TBL1XR1: variants seen among roughly 807,000 people sequenced by gnomAD.
The protein encoded by TBL1XR1 is F-box-like/WD repeat-containing protein TBL1XR1.
Under a neutral mutation model 66.9 loss-of-function variants are expected in TBL1XR1, and 5 were observed. That is an observed-to-expected ratio of 0.07 (90% CI 0.04 to 0.16). TBL1XR1 has a LOEUF of 0.16. TBL1XR1 is among the 10% of genes least tolerant of loss of function. TBL1XR1 has a pLI of 1.00. For missense variants in TBL1XR1, 238 were observed against 623.2 expected, an observed-to-expected ratio of 0.38 and a Z score of 6.58; for synonymous variants, 210 against 206.0, an observed-to-expected ratio of 1.02 and a Z score of -0.17.
At chr3:177,119,018 C>T (rs1239703094) in intron 1 of TBL1XR1, among the ~76,000 whole-genome samples, 3 of 152,154 alleles carry the variant, frequency 2.0e-5, no homozygotes, top group Non-Finnish European at 4.4e-5. Context: ...GTACCCCAGG[C>T]TGGAGTGCAG....
intron 1 of TBL1XR1, among the ~76,000 whole-genome samples, chr3:177,117,677 A>T (rs1440497153): frequency 6.6e-6 from 1 of 152,180 alleles, no homozygotes; most frequent in Non-Finnish European, 1.5e-5. Flanking sequence ...ACTTTGATTC[A>T]GTCTTGACTT....
At chr3:177,043,252 G>T (rs1406736780) in intron 10 of TBL1XR1, among the ~76,000 whole-genome samples, 1 of 152,102 alleles carries the variant, frequency 6.6e-6, no homozygotes, top group Non-Finnish European at 1.5e-5. Context: ...ATTGAGAGAA[G>T]AATACTAAAG....
intron 2 of TBL1XR1, among the ~76,000 whole-genome samples, chr3:177,080,425 A>C (rs1332159810): frequency 6.6e-6 from 1 of 152,186 alleles, no homozygotes; most frequent in Non-Finnish European, 1.5e-5. Context: ...GAAATAACTG[A>C]ACAAAGAATA....
intron 2 of TBL1XR1, among the ~76,000 whole-genome samples, chr3:177,075,695 T>C (rs533927913): frequency 3.9e-4 from 59 of 152,302 alleles, no homozygotes; most frequent in Non-Finnish European, 6.0e-4. Flanking sequence ...ACAATAAAGG[T>C]TAAAAAATAA....
chr3:177,173,397 T>C (rs890087546), intron 1 of TBL1XR1, among the ~76,000 whole-genome samples: 3 of 152,150 alleles, frequency 2.0e-5, no homozygotes, highest in African/African-American at 7.2e-5. Flanking sequence ...TTGGCACACA[T>C]TACCTTAACC....
chr3:177,121,905 G>A (rs906118847), intron 1 of TBL1XR1, among the ~76,000 whole-genome samples: 2 of 151,886 alleles, frequency 1.3e-5, no homozygotes, highest in Non-Finnish European at 2.9e-5. Flanking sequence ...ATTAATTACT[G>A]GAAACCTAGA....
At chr3:177,081,926 T>C (rs1721449073) in intron 2 of TBL1XR1, among the ~76,000 whole-genome samples, 2 of 152,080 alleles carry the variant, frequency 1.3e-5, no homozygotes, top group African/African-American at 4.8e-5. Context: ...AGGAAGACAC[T>C]GGTACTAAAA....
chr3:177,136,941 T>G (rs773699606), intron 1 of TBL1XR1, among the ~76,000 whole-genome samples: 20 of 152,146 alleles, frequency 1.3e-4, no homozygotes, highest in Non-Finnish European at 1.9e-4. Flanking sequence ...TAGATAAATA[T>G]CCTCCAATAT....
chr3:177,132,845 T>C (rs148521123), intron 1 of TBL1XR1, among the ~76,000 whole-genome samples: 1 of 152,332 alleles, frequency 6.6e-6, no homozygotes, highest in East Asian at 1.9e-4. Flanking sequence ...GAGAGCCTTA[T>C]GAATTCAGAT....
chr3:177,057,064 T>C (rs533806717), intron 3 of TBL1XR1, among the ~76,000 whole-genome samples: 1 of 152,344 alleles, frequency 6.6e-6, no homozygotes, highest in Non-Finnish European at 1.5e-5. Context: ...CAGTTGTTTC[T>C]GTAATCTGGC....
chr3:177,134,250 A>T (rs7626218), intron 1 of TBL1XR1, among the ~76,000 whole-genome samples: 63,071 of 151,994 alleles, frequency 0.41, 13,658 homozygotes, highest in East Asian at 0.68. Flanking sequence ...AACTAGACTG[A>T]TTCTGTTGCT....
At position 177,187,891 on chromosome 3, in the gene TBL1XR1, T is replaced by C. The variant is rs1735624517; in HGVS notation, c.-122+9230A>G. ...ACCATTTTAAGGTAATTAAAATTTTTAAACATTTAAAAAGAAAAAAAAAAA... is the reference window on the plus strand; with the variant it reads ...ACCATTTTAAGGTAATTAAAATTTTCAAACATTTAAAAAGAAAAAAAAAAA... On this transcript the variant is annotated intron_variant, in intron 1 of 15. Transcript: ENST00000457928. 2.1e-5 allele frequency among the ~76,000 whole-genome samples: 3 copies of C among 145,830 alleles called. No homozygotes were observed. In the South Asian group the frequency reaches 6.5e-4, roughly 32 times the overall value.
Position 177,132,889 on chromosome 3 carries a change from C to A in TBL1XR1, c.-121-34348G>T, listed in dbSNP as rs1222040447. ...AATAGCTTTCTTACTGTTCTTGATGCCTGTAACTGCTCACACCGCCCTTCA... is the reference window on the plus strand; with the variant it reads ...AATAGCTTTCTTACTGTTCTTGATGACTGTAACTGCTCACACCGCCCTTCA... On this transcript the variant is annotated intron_variant, in intron 1 of 15. Coordinates refer to ENST00000457928, the MANE Select transcript of TBL1XR1 (RefSeq NM_024665.7). 1.3e-5 allele frequency among the ~76,000 whole-genome samples: 2 copies of A among 152,164 alleles called. 1 individual carries two copies. The highest frequency in any genetic ancestry group is 4.1e-4 in the South Asian group (2 of 4,822).
chr3:177,118,888 CT>C (rs1726636034), intron 1 of TBL1XR1, among the ~76,000 whole-genome samples: 2 of 152,156 alleles, frequency 1.3e-5, no homozygotes, highest in Admixed American at 1.3e-4. Context: ...CAGACAGCAA[CT>C]CCACATAATA....
chr3:177,172,633 AAGAGAG>A (rs56803746), intron 1 of TBL1XR1, among the ~76,000 whole-genome samples: 2 of 117,632 alleles, frequency 1.7e-5, no homozygotes, highest in South Asian at 3.1e-4. Flanking sequence ...AGAAAGAGAG[AAGAGAG>A]AGAGAGAGAA....
chr3:177,104,287 T>C (rs1453252567), intron 1 of TBL1XR1, among the ~76,000 whole-genome samples: 1 of 152,164 alleles, frequency 6.6e-6, no homozygotes, highest in Non-Finnish European at 1.5e-5. Context: ...AAAACAGTAT[T>C]ACCTCCTAAT....
At chr3:177,095,327 C>A (rs1723336283) in intron 2 of TBL1XR1, among the ~76,000 whole-genome samples, 2 of 151,900 alleles carry the variant, frequency 1.3e-5, no homozygotes, top group South Asian at 2.1e-4. Context: ...TCAGCCTGGG[C>A]AACAGGGTAG....
intron 3 of TBL1XR1, among the ~76,000 whole-genome samples, chr3:177,064,186 T>C (rs1283276881): frequency 6.6e-6 from 1 of 152,178 alleles, no homozygotes; most frequent in Non-Finnish European, 1.5e-5. Context: ...TAAAATTCAA[T>C]CTCTAGACCA....
rs750706914 is a variant in TBL1XR1, at chr3:177,118,518, G to A, written c.-121-19977C>T. On this transcript the variant is annotated intron_variant, in intron 1 of 15. Transcript: ENST00000457928. ...CACTGATCAAAACAAAGCCCACAAC[G>A]GAAGGAAGAAGAAAGGAAATAAAAA... 2.6e-5 allele frequency among the ~76,000 whole-genome samples: 4 copies of A among 152,002 alleles called. 1 individual carries two copies. In the East Asian group the frequency reaches 5.8e-4, roughly 22 times the overall value.
Sources: gnomAD v4.1 joint callset for allele counts (sites outside exome capture counted in the v4.1 genomes callset) on GRCh38, gnomAD v4.1.1 for gene constraint, MANE v1.5 for transcripts, NCBI Gene and HGNC (gene_info 2026-07-23, HGNC 2026-07-21) for gene names.